GALC: variants seen among roughly 807,000 people sequenced by gnomAD.
GALC encodes the protein galactosylceramidase.
In GALC, 77 loss-of-function variants were observed where a neutral mutation model predicts 91.8. That is an observed-to-expected ratio of 0.84 (90% CI 0.70 to 1.01). GALC has a LOEUF of 1.01. GALC is among the 50% of genes least tolerant of loss of function. The pLI, the probability that GALC is intolerant of heterozygous loss-of-function variation, is 0.00. For synonymous variants in GALC, 357 were observed against 306.7 expected (o/e 1.16, Z -1.71); for missense variants, 882 against 855.9 (o/e 1.03, Z -0.38).
rs377167001 is a variant in GALC at position 87,980,295 on chromosome 14, T to C, written c.621+1910A>G. ...CTACTCAGGAGGCTGAGGCAGAGAA[T>C]TGCTTAAATCCGGGAGGCAGAGGTT... On this transcript the variant is annotated intron_variant, in intron 6 of 16. Coordinates refer to ENST00000261304, the MANE Select transcript of GALC (RefSeq NM_000153.4). 8.6e-5 allele frequency among the ~76,000 whole-genome samples: 13 copies of C among 151,874 alleles called. No homozygotes were observed. In the East Asian group the frequency reaches 2.3e-3, roughly 27 times the overall value.
chr14:87,993,079 A>C lies in GALC; in HGVS notation c.86T>G (p.Val29Gly). 6.3e-7 allele frequency: 1 copy of C among 1,579,652 alleles called. No homozygotes were observed. Among genetic ancestry groups the C allele is most frequent in the South Asian group, 1.1e-5 (1 of 87,160 alleles). ...AAAGSAGRAA[V>G]PLLLCALLAP... ...CAGCAGCGCACACAGCAGCAAGGGC[A>C]CCGCGGCGCGGCCCGCCGAACCCGC... The change falls in exon 1 of 17, where the codon GTG becomes GGG. Residue 29 changes from valine (V) to glycine (G), a missense_variant. Val to Gly is a moderately radical substitution (Grantham distance 109). Transcript: ENST00000261304.
chr14:87,956,987 G>T (rs1885586412), intron 10 of GALC, among the ~76,000 whole-genome samples: 1 of 151,888 alleles, frequency 6.6e-6, no homozygotes, highest in East Asian at 1.9e-4. Context: ...TCTCGTTGTG[G>T]TTCTAATTTG....
chr14:87,955,293 G>A, intron 10 of GALC: 1 of 637,170 alleles, frequency 1.6e-6, no homozygotes, highest in Non-Finnish European at 2.8e-6. Context: ...TTTTTGCTTT[G>A]GATTTTTTAT....
In GALC at chr14:87,939,921, A is replaced by G. The variant is rs1418694289; in HGVS notation, c.1895T>C (p.Leu632Pro). 2 of 1,608,808 alleles carry G rather than the reference A, an allele frequency of 1.2e-6. No individual in the cohort carries two copies. The highest frequency in any genetic ancestry group is 1.7e-6 in the Non-Finnish European group (2 of 1,175,840). The change falls in exon 16 of 17, where the codon CTC (leucine) becomes CCC (proline). Residue 632 changes from leucine (L) to proline (P), a missense_variant. By Grantham distance (98) the Leu-to-Pro change is moderately conservative (BLOSUM62 -3). Transcript: ENST00000261304. ...VEVTAKKWYT[L>P]TLTIKGHFTS... is the part of the protein sequence containing the mutation. Reference sequence around the variant, plus strand: ...AATACTTACCTTAATAGTTAACGTGAGTGTATACCATTTTTTTGCTGTAAC... The same window carrying G: ...AATACTTACCTTAATAGTTAACGTGGGTGTATACCATTTTTTTGCTGTAAC...
chr14:87,968,730 G>A (rs1886159406), intron 7 of GALC, among the ~76,000 whole-genome samples: 1 of 152,140 alleles, frequency 6.6e-6, no homozygotes, highest in South Asian at 2.1e-4. Context: ...CAGCATACAG[G>A]ATAGGAAGGA....
At chr14:87,965,723 T>C (rs933411122) in intron 8 of GALC, 94 bp from the exon 9 acceptor site, 2 of 1,145,356 alleles carry the variant, frequency 1.7e-6, no homozygotes, top group South Asian at 1.3e-5. Flanking sequence ...ATCATAGTAA[T>C]ACACATCTAC....
chr14:87,955,112 T>G (rs923587453), intron 10 of GALC: 19 of 1,354,128 alleles, frequency 1.4e-5, no homozygotes, highest in Non-Finnish European at 2.0e-5. Flanking sequence ...CTTTTTGTGT[T>G]AGATGAAAGC....
intron 8 of GALC, among the ~76,000 whole-genome samples, chr14:87,966,060 C>T (rs2139997363): frequency 6.6e-6 from 1 of 152,236 alleles, no homozygotes; most frequent in South Asian, 2.1e-4. Flanking sequence ...CTGAACTGTT[C>T]CAAAGTTTTA....
Position 87,934,619 on chromosome 14 carries a change from T to A in GALC, c.*113A>T. 6.3e-7 allele frequency: 1 copy of A among 1,580,532 alleles called. No individual in the cohort carries two copies. The highest frequency in any genetic ancestry group is 1.1e-5 in the South Asian group (1 of 87,128). ...TTCTCTCCCCTTTTACTCTTCATTA[T>A]TTTTAGTCTCAAAAGCCTCATATAC... On this transcript the variant is annotated 3_prime_UTR_variant, in exon 17 of 17. Transcript: ENST00000261304.
rs1885402690 is a variant in GALC at position 87,953,699 on chromosome 14, A to G, written c.1162-2951T>C. ...GTCCTTCAAGTAGCTAAGAAAATGA[A>G]GTTGATTTCTAATGCAGGAGATTCT... On this transcript the variant is annotated intron_variant, in intron 10 of 16. Coordinates refer to ENST00000261304, the MANE Select transcript of GALC (RefSeq NM_000153.4). 2.1e-5 allele frequency: 33 copies of G among 1,608,388 alleles called. No homozygotes were observed. In the South Asian group the frequency reaches 2.9e-4, roughly 14 times the overall value.
At chr14:87,980,076 A>C (rs1886671721) in intron 6 of GALC, among the ~76,000 whole-genome samples, 1 of 152,048 alleles carries the variant, frequency 6.6e-6, no homozygotes, top group South Asian at 2.1e-4. Flanking sequence ...CTACAACTAC[A>C]GATTAATTAA....
Position 87,945,547 on chromosome 14 carries a change from T to C in GALC, c.1670+6A>G, listed in dbSNP as rs911390493. On this transcript the variant is annotated splice_donor_region_variant and intron_variant, in intron 14 of 16. Transcript: ENST00000261304. ...GCCAGATCCACATTGAGAACATCAA[T>C]CTTACCAGTTGTAGTCTCCTATAAT... is the stretch of plus-strand genomic sequence containing the variant. 1.9e-6 allele frequency: 3 copies of C among 1,580,460 alleles called. No individual in the cohort carries two copies. The highest frequency in any genetic ancestry group is 2.6e-6 in the Non-Finnish European group (3 of 1,149,778).
At chr14:87,952,682 A>C in intron 10 of GALC, 1 of 1,514,314 alleles carries the variant, frequency 6.6e-7, no homozygotes, top group Non-Finnish European at 9.1e-7. Context: ...ATGAAGTCCC[A>C]GAATCTATTG....
intron 10 of GALC, among the ~76,000 whole-genome samples, chr14:87,961,251 A>G (rs549137691): frequency 6.6e-6 from 1 of 152,316 alleles, no homozygotes; most frequent in East Asian, 1.9e-4. Context: ...ATATTGAACT[A>G]CAATAACATA....
intron 12 of GALC, 77 bp downstream of exon 12, chr14:87,949,768 A>T: frequency 1.3e-6 from 1 of 761,074 alleles, no homozygotes; most frequent in Non-Finnish European, 2.3e-6. Flanking sequence ...AAAAATTCTT[A>T]ATTAATGACA....
intron 8 of GALC, among the ~76,000 whole-genome samples, chr14:87,967,284 T>C (rs1289263258): frequency 6.6e-6 from 1 of 152,166 alleles, no homozygotes; most frequent in Non-Finnish European, 1.5e-5. Flanking sequence ...TCACTAAAAA[T>C]GTTTAGGATG....
intron 13 of GALC, among the ~76,000 whole-genome samples, chr14:87,946,393 T>A (rs1485381129): frequency 6.6e-6 from 1 of 152,016 alleles, no homozygotes. Context: ...GAGGAGAAAT[T>A]TTACATATCT....
At position 87,934,328 on chromosome 14, in the gene GALC, T is replaced by TG; in HGVS notation, c.*403dup. 3 of 1,278,434 alleles carry TG rather than the reference T, an allele frequency of 2.3e-6. No individual in the cohort carries two copies. Among genetic ancestry groups the TG allele is most frequent in the Non-Finnish European group, 2.0e-6 (2 of 1,005,296 alleles). 79.2% of individuals were successfully genotyped at this position (1,278,434 alleles called of 1,614,324 possible). A position where few individuals can be genotyped will look rare whatever the true frequency, so the allele number is the denominator to read the frequency against. The stretch of plus-strand genomic sequence containing the variant: ...CTTGTGATGAAGACACTGGCTCACT[T>TG]GGACACACGGTCAGCATGCATAAAT... On this transcript the variant is annotated 3_prime_UTR_variant, in exon 17 of 17. Transcript: ENST00000261304.
rs148638986 is a variant in GALC, at chr14:87,963,436, T to G, written c.1109A>C (p.Tyr370Ser). 6.3e-5 allele frequency: 101 copies of G among 1,613,330 alleles called. No individual in the cohort carries two copies. The highest frequency in any genetic ancestry group is 8.1e-5 in the Non-Finnish European group (96 of 1,179,448). Reference sequence around the variant, plus strand: ...CCCTAAGCCATCAGTCAGAGCTACGTAGCTTCCTCCTTTCTCTAAATGGCC... The same window carrying G: ...CCCTAAGCCATCAGTCAGAGCTACGGAGCTTCCTCCTTTCTCTAAATGGCC... ...TVGHLEKGGS[Y>S]VALTDGLGNL... The change falls in exon 10 of 17, where the codon TAC becomes TCC. Residue 370 changes from tyrosine (Y) to serine (S), a missense_variant. Physicochemically the swap from Tyr to Ser is moderately radical, Grantham distance 144. Coordinates refer to ENST00000261304, the MANE Select transcript of GALC (RefSeq NM_000153.4).
Sources: gnomAD v4.1 joint callset for allele counts (sites outside exome capture counted in the v4.1 genomes callset) on GRCh38, gnomAD v4.1.1 for gene constraint, MANE v1.5 for transcripts, NCBI Gene and HGNC (gene_info 2026-07-23, HGNC 2026-07-21) for gene names.